The following OPHN1 variants were observed in gnomAD, a reference collection of about 807,000 sequenced individuals.
OPHN1 encodes oligophrenin-1.
In OPHN1, 11 loss-of-function variants were observed where a neutral mutation model predicts 60.7. That is an observed-to-expected ratio of 0.18 (90% CI 0.11 to 0.30). The LOEUF (loss-of-function observed/expected upper bound fraction) is 0.30, where lower values mean the gene tolerates loss of function less well. Ranked by LOEUF, OPHN1 falls within the 10% of genes least tolerant of loss-of-function variation. The pLI is 1.00. For synonymous variants in OPHN1, 226 were observed against 222.6 expected (o/e 1.02, Z -0.14); for missense variants, 449 against 611.0 (o/e 0.73, Z 2.80).
chrX:68,290,296 G>A (rs944619448), intron 3 of OPHN1, among the ~76,000 whole-genome samples: 4 of 110,683 alleles, frequency 3.6e-5, no homozygotes, highest in African/African-American at 1.3e-4. Context: ...TCAACTCTAC[G>A]AAAAAAGCTA....
At chrX:68,424,503 G>A (rs1041871121) in intron 2 of OPHN1, among the ~76,000 whole-genome samples, 1 of 111,309 alleles carries the variant, frequency 9.0e-6, no homozygotes, top group Non-Finnish European at 1.9e-5. Context: ...GATTTCCAGG[G>A]TACTCCCATG....
chrX:68,061,477 C>A (rs2076892709), intron 21 of OPHN1, among the ~76,000 whole-genome samples: 1 of 111,340 alleles, frequency 9.0e-6, no homozygotes, highest in South Asian at 3.9e-4. Context: ...CAACCTTCTA[C>A]CCAGATTGAT....
intron 2 of OPHN1, among the ~76,000 whole-genome samples, chrX:68,389,818 A>G (rs1485540471): frequency 9.1e-6 from 1 of 110,497 alleles, no homozygotes; most frequent in Admixed American, 9.8e-5. Flanking sequence ...TAATAATAGC[A>G]TTTACCAGTC....
At chrX:68,386,573 C>T (rs1018522538) in intron 2 of OPHN1, among the ~76,000 whole-genome samples, 1 of 112,000 alleles carries the variant, frequency 8.9e-6, no homozygotes, top group East Asian at 2.8e-4. Context: ...TGAATCTGCA[C>T]TAATAGTGTT....
rs2077722380 is a variant in OPHN1 at position 68,230,465 on chromosome X, A to G, written c.486+4022T>C. On this transcript the variant is annotated intron_variant, in intron 6 of 24. Transcript: ENST00000355520. ...TGCTGCTATAAAGACACATGCACAC[A>G]TATGCTTATTGTGGCACTATTCACA... Among the ~76,000 whole-genome samples the G allele has an allele frequency of 3.6e-5, 4 of 110,770 alleles. No homozygotes were observed. The South Asian group carries it at 1.6e-3, about 44-fold the overall frequency.
chrX:68,328,041 G>A (rs1358060991), intron 2 of OPHN1, among the ~76,000 whole-genome samples: 1 of 96,032 alleles, frequency 1.0e-5, no homozygotes, highest in African/African-American at 4.0e-5. Context: ...TTGTTAGCCA[G>A]GATGGTCTCG....
chrX:68,098,488 AATGGC>A (rs1351278432), intron 18 of OPHN1, among the ~76,000 whole-genome samples: 1 of 111,387 alleles, frequency 9.0e-6, no homozygotes, highest in Non-Finnish European at 1.9e-5. Flanking sequence ...CCCAGAAGAG[AATGGC>A]AGGTTCTTAA....
chrX:68,327,006 A>G (rs1465444499), intron 2 of OPHN1, among the ~76,000 whole-genome samples: 4 of 46,604 alleles, frequency 8.6e-5, no homozygotes. Context: ...CTGCCTGGCC[A>G]GCCGCCCCGT....
chrX:68,307,891 C>G (rs1338609542), intron 2 of OPHN1, among the ~76,000 whole-genome samples: 2 of 111,595 alleles, frequency 1.8e-5, no homozygotes, highest in Admixed American at 9.5e-5. Context: ...AATAAAAATG[C>G]CCGAGGGATT....
chrX:68,234,564 C>G lies in OPHN1; in HGVS notation c.409G>C (p.Asp137His). ...TKERKKKFEKDGERFYSLLDR... is the reference protein window; with the variant it reads ...TKERKKKFEKHGERFYSLLDR... ...AGTAAAGAATAAAACCTCTCACCAT[C>G]CTTTTCAAATTTCTTTTTCCGCTCC... The change falls in exon 6 of 25, where the codon GAT (aspartate) becomes CAT (histidine). Residue 137 changes from aspartate (D) to histidine (H), a missense_variant. Transcript: ENST00000355520. 8.3e-7 allele frequency: 1 copy of G among 1,207,778 alleles called. No homozygotes were observed.
chrX:68,419,174 AT>A (rs1328882355), intron 2 of OPHN1, among the ~76,000 whole-genome samples: 25 of 105,794 alleles, frequency 2.4e-4, no homozygotes, highest in African/African-American at 6.9e-4. Flanking sequence ...TGCCCAGCTA[AT>A]TTTTTTTTTG....
chrX:68,327,788 T>TAAAAA (rs1426696978), intron 2 of OPHN1, among the ~76,000 whole-genome samples: 1 of 47,056 alleles, frequency 2.1e-5, no homozygotes, highest in Non-Finnish European at 3.5e-5. Context: ...AAATAAAAAA[T>TAAAAA]AAAAAAAATA....
chrX:68,195,041 AG>A (rs1418931624), intron 12 of OPHN1, among the ~76,000 whole-genome samples: 3 of 104,879 alleles, frequency 2.9e-5, no homozygotes, highest in South Asian at 4.4e-4. Context: ...GAAGGAAGGA[AG>A]GAAGGAAGGA....
intron 5 of OPHN1, among the ~76,000 whole-genome samples, chrX:68,254,862 C>T (rs187029423): frequency 1.3e-4 from 14 of 109,001 alleles, no homozygotes; most frequent in Non-Finnish European, 2.7e-4. Flanking sequence ...GCCAAAAAAT[C>T]CAAAAATTAG....
intron 15 of OPHN1, among the ~76,000 whole-genome samples, chrX:68,191,957 G>C (rs1327432194): frequency 9.0e-6 from 1 of 110,892 alleles, no homozygotes; most frequent in Non-Finnish European, 1.9e-5. Flanking sequence ...CTCTTTAAAA[G>C]AAATCAACAA....
At chrX:68,175,187 T>C (rs1409158082) in intron 15 of OPHN1, among the ~76,000 whole-genome samples, 1 of 111,411 alleles carries the variant, frequency 9.0e-6, no homozygotes, top group African/African-American at 3.3e-5. Context: ...CATCATTATG[T>C]GTAAGATTGT....
At chrX:68,195,932 A>G (rs2077511166) in intron 12 of OPHN1, among the ~76,000 whole-genome samples, 2 of 111,986 alleles carry the variant, frequency 1.8e-5, no homozygotes, top group South Asian at 7.6e-4. Flanking sequence ...GAAAACCTAA[A>G]GGGAGAGCAA....
chrX:68,140,250 T>A (rs1449241715), intron 15 of OPHN1, among the ~76,000 whole-genome samples: 1 of 111,732 alleles, frequency 8.9e-6, no homozygotes, highest in Non-Finnish European at 1.9e-5. Context: ...TCCTTCCTTA[T>A]GTAACATGGA....
intron 13 of OPHN1, 140 bp from the exon 14 acceptor site, chrX:68,194,092 G>C (rs2077500760): frequency 3.8e-6 from 2 of 531,231 alleles, no homozygotes; most frequent in Admixed American, 3.0e-5. Context: ...TAAATGGAAA[G>C]AGTCATTTTT....
Sources: gnomAD v4.1 joint callset for allele counts (sites outside exome capture counted in the v4.1 genomes callset) on GRCh38, gnomAD v4.1.1 for gene constraint, MANE v1.5 for transcripts, NCBI Gene and HGNC (gene_info 2026-07-23, HGNC 2026-07-21) for gene names.